MAML3: variants seen among roughly 807,000 people sequenced by gnomAD.
The protein encoded by MAML3 is mastermind-like protein 3.
MAML3 carries 27 observed loss-of-function variants against 101.9 expected under a neutral mutation model. That is an observed-to-expected ratio of 0.27 (90% CI 0.20 to 0.37). MAML3 has a LOEUF of 0.37. Among genes scored for constraint, MAML3 ranks in the 10% least tolerant of loss-of-function variants. The probability of loss-of-function intolerance (pLI) is 1.00; values close to 1 mark genes in which losing one functional copy is unlikely to be tolerated. For synonymous variants in MAML3, 501 were observed against 555.9 expected (o/e 0.90, Z 1.39); for missense variants, 1,316 against 1,444.9 (o/e 0.91, Z 1.45).
intron 1 of MAML3, among the ~76,000 whole-genome samples, chr4:139,967,760 C>A (rs893978615): frequency 1.3e-5 from 2 of 152,120 alleles, no homozygotes; most frequent in African/African-American, 2.4e-5. Context: ...AAAGGGGAAA[C>A]AGCCTCCCTG....
At chr4:139,757,284 A>G (rs959647159) in intron 2 of MAML3, among the ~76,000 whole-genome samples, 1 of 151,986 alleles carries the variant, frequency 6.6e-6, no homozygotes, top group Non-Finnish European at 1.5e-5. Context: ...GTTTCTCTCC[A>G]ATACACCCTC....
chr4:139,877,277 G>C (rs1360226171), intron 2 of MAML3, among the ~76,000 whole-genome samples: 1 of 149,592 alleles, frequency 6.7e-6, no homozygotes, highest in African/African-American at 2.4e-5. Context: ...ATGAATTCTA[G>C]AGAATCTTGC....
chr4:139,947,913 C>A (rs1379211826), intron 1 of MAML3, among the ~76,000 whole-genome samples: 3 of 151,922 alleles, frequency 2.0e-5, no homozygotes, highest in Non-Finnish European at 4.4e-5. Flanking sequence ...ACCAGCCTGA[C>A]CAACATGGAG....
At chr4:139,861,477 A>ATGTGTGTG (rs55851938) in intron 2 of MAML3, among the ~76,000 whole-genome samples, 13,795 of 146,318 alleles carry the variant, frequency 0.094, 1,174 homozygotes, top group African/African-American at 0.23. Context: ...TAACCAGCCG[A>ATGTGTGTG]TGTGTGTGTG....
chr4:139,780,532 T>C (rs774197262), intron 2 of MAML3, among the ~76,000 whole-genome samples: 12 of 152,200 alleles, frequency 7.9e-5, no homozygotes, highest in Non-Finnish European at 1.0e-4. Flanking sequence ...TTTCCCCCTT[T>C]TCATTGTTTC....
intron 2 of MAML3, among the ~76,000 whole-genome samples, chr4:139,826,298 G>C (rs1731059701): frequency 6.6e-6 from 1 of 152,104 alleles, no homozygotes; most frequent in Admixed American, 6.6e-5. Flanking sequence ...GAGTATCAGT[G>C]AAGGGTAGTT....
intron 1 of MAML3, among the ~76,000 whole-genome samples, chr4:140,142,619 G>C (rs1728994598): frequency 6.6e-6 from 1 of 152,100 alleles, no homozygotes; most frequent in African/African-American, 2.4e-5. Flanking sequence ...CCTAATAACT[G>C]TCAACCAGAG....
intron 1 of MAML3, among the ~76,000 whole-genome samples, chr4:140,107,806 A>G (rs1560895984): frequency 6.6e-6 from 1 of 152,050 alleles, no homozygotes. Context: ...TGCCCGACCA[A>G]AAAAATGCTT....
rs1728901524 is a variant in MAML3, at chr4:139,735,511, C to T, written c.2080-4844G>A. ...GGACACCAGACCCCAGGGCCGACAG[C>T]CCGGGAGGGACCGGGTTCCAGGACC... On this transcript the variant is annotated intron_variant, in intron 2 of 4. Coordinates refer to ENST00000509479, the MANE Select transcript of MAML3 (RefSeq NM_018717.5). The surrounding 1 kb of genome is among the most constrained non-coding windows in gnomAD (Gnocchi z 5.8). Among the ~76,000 whole-genome samples, 1 of 151,956 alleles carries T rather than the reference C, an allele frequency of 6.6e-6. No homozygotes were observed. The highest frequency in any genetic ancestry group is 6.5e-5 in the Admixed American group (1 of 15,276).
chr4:139,944,226 T>C (rs1733663124), intron 1 of MAML3, among the ~76,000 whole-genome samples: 1 of 152,050 alleles, frequency 6.6e-6, no homozygotes, highest in South Asian at 2.1e-4. Flanking sequence ...ATGTGCACAT[T>C]GTGCAGGTTA....
intron 2 of MAML3, among the ~76,000 whole-genome samples, chr4:139,848,499 C>T (rs547059625): frequency 2.0e-5 from 3 of 152,298 alleles, no homozygotes; most frequent in African/African-American, 7.2e-5. Context: ...ATTGAACACA[C>T]CAGCAATTCT....
At chr4:140,075,712 T>G (rs1219003862) in intron 1 of MAML3, among the ~76,000 whole-genome samples, 1 of 151,312 alleles carries the variant, frequency 6.6e-6, no homozygotes, top group Non-Finnish European at 1.5e-5. Context: ...AATTTCAAAT[T>G]TTTTTTGTAG....
chr4:139,897,385 C>G (rs1344182154), intron 1 of MAML3, among the ~76,000 whole-genome samples: 6 of 152,162 alleles, frequency 3.9e-5, no homozygotes, highest in African/African-American at 1.4e-4. Flanking sequence ...CCATAAGCCA[C>G]ACTGCACCCT....
At position 139,793,892 on chromosome 4, in the gene MAML3, G is replaced by A. The variant is rs575188122; in HGVS notation, c.2080-63225C>T. Among the ~76,000 whole-genome samples the A allele has an allele frequency of 3.3e-5, 5 of 152,206 alleles. No homozygotes were observed. In the East Asian group the frequency reaches 5.8e-4, roughly 18 times the overall value. On this transcript the variant is annotated intron_variant, in intron 2 of 4. Coordinates refer to ENST00000509479, the MANE Select transcript of MAML3 (RefSeq NM_018717.5). ...GAATATTATTATGGTTGTACACTGAGAATACATTACTTTCTAATAAGGAAG... is the reference window on the plus strand; with the variant it reads ...GAATATTATTATGGTTGTACACTGAAAATACATTACTTTCTAATAAGGAAG...
intron 1 of MAML3, among the ~76,000 whole-genome samples, chr4:139,918,968 A>G (rs1242033709): frequency 6.6e-6 from 1 of 152,172 alleles, no homozygotes; most frequent in Non-Finnish European, 1.5e-5. Flanking sequence ...ATATTAGAGA[A>G]AAAACATCTT....
chr4:139,736,186 A>C (rs534725374), intron 2 of MAML3, among the ~76,000 whole-genome samples: 1 of 152,328 alleles, frequency 6.6e-6, no homozygotes, highest in African/African-American at 2.4e-5. Flanking sequence ...AAAGGAAGGA[A>C]TCTTTAGCCC....
chr4:140,149,072 G>C (rs992171639), intron 1 of MAML3, among the ~76,000 whole-genome samples: 4 of 152,084 alleles, frequency 2.6e-5, no homozygotes, highest in African/African-American at 9.7e-5. Context: ...ATTGAAATTT[G>C]CCTTAAAATT....
chr4:139,891,160 G>A (rs1474541749), intron 1 of MAML3, among the ~76,000 whole-genome samples, 193 bp from the exon 2 acceptor site: 1 of 152,232 alleles, frequency 6.6e-6, no homozygotes. Context: ...TCTAAAAGCA[G>A]AGCTCACAGG....
At chr4:139,978,443 TGCCACTTCTCTCTGAAAG>T (rs1370528323) in intron 1 of MAML3, among the ~76,000 whole-genome samples, 1 of 152,040 alleles carries the variant, frequency 6.6e-6, no homozygotes, top group African/African-American at 2.4e-5. Flanking sequence ...TGGTCTCAAG[TGCCACTTCTCTCTGAAAG>T]GAAAGTCCTG....
Sources: gnomAD v4.1 joint callset for allele counts (sites outside exome capture counted in the v4.1 genomes callset) on GRCh38, gnomAD v4.1.1 for gene constraint, Gnocchi (gnomAD v3.1) non-coding constraint, MANE v1.5 for transcripts, NCBI Gene and HGNC (gene_info 2026-07-23, HGNC 2026-07-21) for gene names.